Variants in LIN7A observed in about 807,000 individuals in gnomAD.
LIN7A encodes lin-7 cell polarity scaffold A, also known as protein lin-7 homolog A.
A neutral mutation model predicts 29.8 loss-of-function variants in LIN7A; 25 were observed. That is an observed-to-expected ratio of 0.84 (90% confidence interval 0.61 to 1.17). The LOEUF is 1.17. Among genes scored for constraint, LIN7A ranks in the 50% most tolerant of loss-of-function variants. The probability of loss-of-function intolerance (pLI) is 0.00; values close to 1 mark genes in which losing one functional copy is unlikely to be tolerated. For missense variants in LIN7A, 239 were observed against 287.0 expected (o/e 0.83, Z 1.21); for synonymous variants, 118 against 107.5 (o/e 1.10, Z -0.60).
At chr12:80,876,180 G>A (rs1874692466) in intron 2 of LIN7A, among the ~76,000 whole-genome samples, 1 of 151,910 alleles carries the variant, frequency 6.6e-6, no homozygotes, top group Non-Finnish European at 1.5e-5. Context: ...AACACAAGTA[G>A]CTAGGATCAA....
At chr12:80,882,241 T>G (rs971029772) in intron 2 of LIN7A, among the ~76,000 whole-genome samples, 15 of 150,396 alleles carry the variant, frequency 1.0e-4, no homozygotes, top group Non-Finnish European at 1.6e-4. Flanking sequence ...ACATATACGA[T>G]CATATCATCT....
chr12:80,887,388 G>A (rs367826313), intron 2 of LIN7A, among the ~76,000 whole-genome samples: 3 of 152,130 alleles, frequency 2.0e-5, no homozygotes, highest in Non-Finnish European at 4.4e-5. Flanking sequence ...AATCAGGTCA[G>A]AACTCTCCAG....
In LIN7A at chr12:80,841,342, GGGAAGGAAGGAAGGAAGGAAGGAA is replaced by G. The variant is rs201176926; in HGVS notation, c.483+4364_483+4387del. Among the ~76,000 whole-genome samples, 1,139 of 126,058 alleles carry G rather than the reference GGGAAGGAAGGAAGGAAGGAAGGAA, an allele frequency of 9.0e-3. 11 individuals are homozygous for G. The highest frequency in any genetic ancestry group is 0.013 in the Middle Eastern group (3 of 240). 82.7% of individuals were successfully genotyped at this position (126,058 alleles called of 152,430 possible). ...GAAAAGAAATGAAAAGAAAGAGGGAGGGAAGGAAGGAAGGAAGGAAGGAAGGAAGGAAGGAAGGAAGGAAGGAAG... is the reference window on the plus strand; with the variant it reads ...GAAAAGAAATGAAAAGAAAGAGGGAGGGAAGGAAGGAAGGAAGGAAGGAAG... On this transcript the variant is annotated intron_variant, in intron 4 of 5. Coordinates refer to ENST00000552864, the MANE Select transcript of LIN7A (RefSeq NM_004664.4).
intron 1 of LIN7A, among the ~76,000 whole-genome samples, chr12:80,905,778 T>C (rs567549428): frequency 2.4e-4 from 37 of 152,328 alleles, no homozygotes; most frequent in Non-Finnish European, 4.9e-4. Context: ...ACTGATATTT[T>C]AATATTATAT....
chr12:80,866,382 T>A (rs555116215), intron 2 of LIN7A, among the ~76,000 whole-genome samples: 2 of 152,356 alleles, frequency 1.3e-5, no homozygotes, highest in South Asian at 4.1e-4. Flanking sequence ...GACTCTATTA[T>A]ACTCTTCTTA....
intron 1 of LIN7A, among the ~76,000 whole-genome samples, chr12:80,900,066 T>C (rs2120725445): frequency 6.6e-6 from 1 of 152,280 alleles, no homozygotes; most frequent in East Asian, 1.9e-4. Context: ...GAGCTGTTCA[T>C]AGTACTCTCT....
intron 1 of LIN7A, chr12:80,936,385 A>G (rs1878217953): frequency 6.6e-6 from 1 of 152,296 alleles, no homozygotes; most frequent in Admixed American, 6.5e-5. Context: ...TCTCCAAATT[A>G]AAAACCTCAA....
intron 2 of LIN7A, among the ~76,000 whole-genome samples, chr12:80,874,649 G>A (rs1195260292): frequency 6.6e-6 from 1 of 152,120 alleles, no homozygotes; most frequent in Non-Finnish European, 1.5e-5. Context: ...TGGGAATCAT[G>A]GTGCAATTTT....
At position 80,797,617 on chromosome 12, in the gene LIN7A, T is replaced by C. The variant is rs1203703048; in HGVS notation, c.*110A>G. 1 of 152,656 alleles carries C rather than the reference T, an allele frequency of 6.6e-6. No individual in the cohort carries two copies. The highest frequency in any genetic ancestry group is 1.5e-5 in the Non-Finnish European group (1 of 68,062). 9.5% of individuals were successfully genotyped at this position (152,656 alleles called of 1,614,324 possible). A position where few individuals can be genotyped will look rare whatever the true frequency, so the allele number is the denominator to read the frequency against. ...TTATACACCATGTGTTCACAGCTTC[T>C]TGACAGGTATAATTATCAGTGTTGT... is the stretch of plus-strand genomic sequence containing the variant. On this transcript the variant is annotated 3_prime_UTR_variant, in exon 6 of 6. Coordinates refer to ENST00000552864, the MANE Select transcript of LIN7A (RefSeq NM_004664.4).
chr12:80,898,275 G>C (rs1032863727), intron 1 of LIN7A, among the ~76,000 whole-genome samples: 3 of 152,078 alleles, frequency 2.0e-5, no homozygotes, highest in African/African-American at 7.2e-5. Flanking sequence ...AGATCAGATG[G>C]TTGTTGGTGT....
intron 2 of LIN7A, among the ~76,000 whole-genome samples, chr12:80,850,176 T>A (rs532530191): frequency 5.9e-5 from 9 of 152,274 alleles, no homozygotes; most frequent in Middle Eastern, 6.8e-3. Flanking sequence ...GTGTAGTAGA[T>A]AATTTCACAG....
intron 2 of LIN7A, among the ~76,000 whole-genome samples, chr12:80,871,994 A>G (rs1874450591): frequency 6.6e-6 from 1 of 152,110 alleles, no homozygotes; most frequent in Non-Finnish European, 1.5e-5. Flanking sequence ...GCTGTAGCTT[A>G]ACAGAGTTAA....
chr12:80,868,660 C>T (rs925542414), intron 2 of LIN7A, among the ~76,000 whole-genome samples: 18 of 152,154 alleles, frequency 1.2e-4, no homozygotes, highest in African/African-American at 9.7e-5. Context: ...CCATGTGTTA[C>T]GTGTCTTTTG....
rs1787796587 is a variant in LIN7A at position 80,845,899 on chromosome 12, TG to T, written c.313del (p.His105ThrfsTer4). On this transcript the variant is annotated frameshift_variant, in exon 4 of 6. Coordinates refer to ENST00000552864, the MANE Select transcript of LIN7A (RefSeq NM_004664.4). LOFTEE classifies it high-confidence loss of function. ...AAFAASEGHS[H>X]PRVVELPKTD... The stretch of plus-strand genomic sequence containing the variant: ...CTTTGGCAGTTCAACTACTCGAGGG[TG>T]GGAGTGGCCTTCACTAGCTGCAAAA... The T allele has an allele frequency of 6.2e-7, 1 of 1,603,946 alleles. No homozygotes were observed. The highest frequency in any genetic ancestry group is 8.5e-7 in the Non-Finnish European group (1 of 1,176,526).
At chr12:80,813,109 C>T (rs1484711986) in intron 4 of LIN7A, among the ~76,000 whole-genome samples, 1 of 152,004 alleles carries the variant, frequency 6.6e-6, no homozygotes, top group East Asian at 1.9e-4. Flanking sequence ...CTCCCGGGTT[C>T]ATGCCATTCT....
intron 2 of LIN7A, among the ~76,000 whole-genome samples, chr12:80,875,818 G>T (rs540384999): frequency 2.3e-4 from 35 of 152,160 alleles, no homozygotes; most frequent in African/African-American, 7.0e-4. Context: ...GTCTAATAAG[G>T]TAGATGACTA....
intron 4 of LIN7A, chr12:80,832,554 A>G (rs368120983): frequency 7.7e-5 from 37 of 482,818 alleles, no homozygotes; most frequent in African/African-American, 6.3e-4. Flanking sequence ...ATTGAATCAG[A>G]AGGAGCCTGG....
At chr12:80,865,287 T>A (rs1344012644) in intron 2 of LIN7A, among the ~76,000 whole-genome samples, 1 of 152,208 alleles carries the variant, frequency 6.6e-6, no homozygotes, top group African/African-American at 2.4e-5. Context: ...ATATGACCTA[T>A]GAAATGCAAA....
At chr12:80,913,757 A>G (rs1215692212) in intron 1 of LIN7A, among the ~76,000 whole-genome samples, 6 of 152,120 alleles carry the variant, frequency 3.9e-5, no homozygotes, top group Non-Finnish European at 8.8e-5. Context: ...CTTACTTTCA[A>G]CTATTTGTTG....
Sources: gnomAD v4.1 joint callset for allele counts (sites outside exome capture counted in the v4.1 genomes callset) on GRCh38, gnomAD v4.1.1 for gene constraint, MANE v1.5 for transcripts, NCBI Gene and HGNC (gene_info 2026-07-23, HGNC 2026-07-21) for gene names.